Variants in ASMT observed in about 807,000 individuals in gnomAD.
ASMT encodes acetylserotonin O-methyltransferase.
A neutral mutation model predicts 41.3 loss-of-function variants in ASMT; 53 were observed. The ratio of observed to expected loss-of-function variants is 1.28; its 90% confidence interval spans 1.03 to 1.61. The LOEUF is 1.61. ASMT is among the 40% of genes most tolerant of loss of function. ASMT has a pLI of 0.00. For missense variants in ASMT, 531 were observed against 441.3 expected, an observed-to-expected ratio of 1.20 and a Z score of -1.82; for synonymous variants, 231 against 184.8, an observed-to-expected ratio of 1.25 and a Z score of -2.03.
At chrX:1,636,714 A>G (rs1934979884) in intron 8 of ASMT, 154 bp downstream of exon 8, 3 of 560,502 alleles carry the variant, frequency 5.4e-6, no homozygotes, top group African/African-American at 2.0e-5. Flanking sequence ...CCTGAAATAA[A>G]TAGGGTCCTA....
Position 1,631,992 on chromosome X carries a change from T to C in ASMT, c.563-712T>C, listed in dbSNP as rs761899408. Among the ~76,000 whole-genome samples, 180 of 152,166 alleles carry C rather than the reference T, an allele frequency of 1.2e-3. 1 individual carries two copies. Among genetic ancestry groups the C allele is most frequent in the African/African-American group, 4.1e-3 (170 of 41,508 alleles). On this transcript the variant is annotated intron_variant, in intron 5 of 8. Coordinates refer to ENST00000381241, the MANE Select transcript of ASMT (RefSeq NM_001171038.2). ...TGTACCCGGGAAGTGAAGGTTGCAG[T>C]GAGCTGAGATCGCGCCACTGCACTC...
At chrX:1,619,577 AT>A (rs1934264176) in intron 1 of ASMT, among the ~76,000 whole-genome samples, 1 of 145,452 alleles carries the variant, frequency 6.9e-6, no homozygotes, top group African/African-American at 2.6e-5. Context: ...AATAATAATA[AT>A]AATAATAATA....
Position 1,625,997 on chromosome X carries a change from G to C in ASMT, c.374+1599G>C, listed in dbSNP as rs771661646. Reference sequence around the variant, plus strand: ...AATAGGGGTGTCTGGGTTAACATAGGGGGTTGTGGAGACCAAATTCTTATT... The same window carrying C: ...AATAGGGGTGTCTGGGTTAACATAGCGGGTTGTGGAGACCAAATTCTTATT... On this transcript the variant is annotated intron_variant, in intron 3 of 8. Transcript: ENST00000381241. 2.9e-4 allele frequency among the ~76,000 whole-genome samples: 43 copies of C among 150,246 alleles called. No homozygotes were observed. The South Asian group carries it at 8.7e-3, about 30-fold the overall frequency.
At chrX:1,623,101 G>T (rs372909472) in intron 1 of ASMT, 38 bp from the exon 2 acceptor site, 1 of 1,611,250 alleles carries the variant, frequency 6.2e-7, no homozygotes, top group Non-Finnish European at 8.5e-7. Context: ...TTCCCAGGAG[G>T]CTGAGCCCTG....
intron 1 of ASMT, among the ~76,000 whole-genome samples, chrX:1,617,741 G>A (rs1388755249): frequency 2.6e-5 from 4 of 151,240 alleles, no homozygotes; most frequent in South Asian, 2.1e-4. Context: ...TCAGCCTCCC[G>A]AGTAGCTGGG....
At chrX:1,634,656 C>G (rs866925018) in intron 7 of ASMT, among the ~76,000 whole-genome samples, 137 of 105,932 alleles carry the variant, frequency 1.3e-3, no homozygotes, top group Non-Finnish European at 2.2e-3. Flanking sequence ...TGAGTTAACC[C>G]CCCCCCTTTT....
chrX:1,619,723 A>G (rs1187885285), intron 1 of ASMT, among the ~76,000 whole-genome samples: 1 of 151,898 alleles, frequency 6.6e-6, no homozygotes, highest in Non-Finnish European at 1.5e-5. Context: ...CCTTAAAAGA[A>G]CAATTAATTG....
intron 7 of ASMT, chrX:1,636,133 A>AT: frequency 5.3e-6 from 2 of 380,036 alleles, no homozygotes; most frequent in Admixed American, 3.7e-5. Context: ...TTTTTTTTGT[A>AT]TTTTTAGTAG....
Position 1,621,325 on chromosome X carries a change from A to AT in ASMT, c.70-1804dup, listed in dbSNP as rs1191868589. 1.5e-3 allele frequency among the ~76,000 whole-genome samples: 229 copies of AT among 149,112 alleles called. 2 individuals are homozygous for AT. In the South Asian group the frequency reaches 0.033, roughly 21 times the overall value. The stretch of plus-strand genomic sequence containing the variant: ...TGCATGGATGATTTATTCTTGTTTT[A>AT]TTTTTTTTTTGAGATGGAGTCTCGC... On this transcript the variant is annotated intron_variant, in intron 1 of 8. Coordinates refer to ENST00000381241, the MANE Select transcript of ASMT (RefSeq NM_001171038.2).
intron 1 of ASMT, among the ~76,000 whole-genome samples, chrX:1,616,530 T>C (rs73174016): frequency 0.012 from 1,791 of 151,288 alleles, 70 homozygotes; most frequent in Middle Eastern, 0.037. Flanking sequence ...AAGTGCTGGC[T>C]ATACAACATC....
intron 2 of ASMT, among the ~76,000 whole-genome samples, chrX:1,623,985 G>A (rs1934431084): frequency 6.6e-6 from 1 of 152,074 alleles, no homozygotes; most frequent in South Asian, 2.1e-4. Flanking sequence ...GGAATGTAAC[G>A]TACGTTTCCT....
chrX:1,629,067 CCTTCTTT>C (rs1458446358), intron 4 of ASMT, among the ~76,000 whole-genome samples: 2 of 142,974 alleles, frequency 1.4e-5, no homozygotes, highest in Non-Finnish European at 3.0e-5. Context: ...CTTCCTTCTT[CCTTCTTT>C]CCTTTCTTTA....
intron 8 of ASMT, among the ~76,000 whole-genome samples, chrX:1,640,667 G>GGC (rs1439623802): frequency 2.3e-3 from 1 of 434 alleles, no homozygotes; most frequent in Non-Finnish European, 3.5e-3. Flanking sequence ...CCATCCTGAT[G>GGC]ATCCATGAGG....
At chrX:1,630,708 C>T (rs1439209031) in intron 5 of ASMT, among the ~76,000 whole-genome samples, 5 of 151,850 alleles carry the variant, frequency 3.3e-5, no homozygotes, top group Non-Finnish European at 4.4e-5. Context: ...AGATGACTGC[C>T]GCCACACCTA....
intron 4 of ASMT, among the ~76,000 whole-genome samples, chrX:1,628,236 G>C (rs1157538345): frequency 6.6e-6 from 1 of 152,170 alleles, no homozygotes; most frequent in African/African-American, 2.4e-5. Context: ...CAGGAGAACT[G>C]CTTGAACCCG....
rs769024355 is a variant in ASMT at position 1,642,382 on chromosome X, G to C, written c.911-421G>C. Reference sequence around the variant, plus strand: ...TGGGGACAGTGTCCCAGTGTCCTGTGAGGTCCACCCATCCTGATGGTTCAT... The same window carrying C: ...TGGGGACAGTGTCCCAGTGTCCTGTCAGGTCCACCCATCCTGATGGTTCAT... On this transcript the variant is annotated intron_variant, in intron 8 of 8. Coordinates refer to ENST00000381241, the MANE Select transcript of ASMT (RefSeq NM_001171038.2). Among the ~76,000 whole-genome samples the C allele has an allele frequency of 9.3e-5, 14 of 151,290 alleles. No homozygotes were observed. The East Asian group carries it at 2.7e-3, about 30-fold the overall frequency.
At chrX:1,618,570 G>C (rs1177783328) in intron 1 of ASMT, among the ~76,000 whole-genome samples, 1 of 151,762 alleles carries the variant, frequency 6.6e-6, no homozygotes, top group Non-Finnish European at 1.5e-5. Flanking sequence ...AAAGTGCTAG[G>C]ATGACGGGCG....
rs527249566 is a variant in ASMT, at chrX:1,628,723, C to T, written c.443+952C>T. 1.5e-4 allele frequency among the ~76,000 whole-genome samples: 22 copies of T among 151,142 alleles called. No homozygotes were observed. In the South Asian group the frequency reaches 4.2e-3, roughly 29 times the overall value. On this transcript the variant is annotated intron_variant, in intron 4 of 8. Transcript: ENST00000381241. Reference sequence around the variant, plus strand: ...TTTTCCTCTCCATCTTCCCCCTCCTCTCTCCCATCTTCCCTCTCTTGTCTC... The same window carrying T: ...TTTTCCTCTCCATCTTCCCCCTCCTTTCTCCCATCTTCCCTCTCTTGTCTC...
intron 5 of ASMT, among the ~76,000 whole-genome samples, chrX:1,631,953 G>A (rs1603461594): frequency 2.0e-5 from 3 of 152,224 alleles, no homozygotes; most frequent in African/African-American, 7.2e-5. Context: ...GGAGGCTGAG[G>A]CAGGAGAATC....
Sources: allele counts gnomAD v4.1 joint callset (sites outside exome capture counted in the v4.1 genomes callset), GRCh38; gene constraint gnomAD v4.1.1; transcripts MANE v1.5; gene names NCBI Gene and HGNC (gene_info 2026-07-23, HGNC 2026-07-21).